RPS3: variants seen among roughly 807,000 people sequenced by gnomAD.
RPS3 encodes the protein small ribosomal subunit protein uS3.
RPS3 carries 2 observed loss-of-function variants against 25.8 expected under a neutral mutation model. That is an observed-to-expected ratio of 0.08 (90% CI 0.03 to 0.24). The LOEUF (loss-of-function observed/expected upper bound fraction) is 0.24. Among genes scored for constraint, RPS3 ranks in the 10% least tolerant of loss-of-function variants. RPS3 has a pLI of 1.00. For missense variants in RPS3, 107 were observed against 307.1 expected, an observed-to-expected ratio of 0.35 and a Z score of 4.87; for synonymous variants, 114 against 114.2, an observed-to-expected ratio of 1.00 and a Z score of 0.01.
chr11:75,414,758 C>T (rs1409636745), intron 6 of RPS3, among the ~76,000 whole-genome samples: 4 of 152,196 alleles, frequency 2.6e-5, no homozygotes, highest in Non-Finnish European at 5.9e-5. Flanking sequence ...GGAGAGAACA[C>T]CTGCTAGTAA....
downstream of RPS3, among the ~76,000 whole-genome samples, chr11:75,411,612 G>C (rs1304532029): frequency 6.6e-6 from 1 of 151,118 alleles, no homozygotes; most frequent in Non-Finnish European, 1.5e-5. Context: ...GGATGGTCTC[G>C]ATCTCCTGAC....
At chr11:75,409,826 A>T, downstream of RPS3, among the ~76,000 whole-genome samples, 1 of 80,334 alleles carries the variant, frequency 1.2e-5, no homozygotes, top group African/African-American at 6.0e-5. Context: ...TGACCCCCCC[A>T]CCTCCCTCCC....
At chr11:75,421,342 C>T (rs923220372) in intron 6 of RPS3, among the ~76,000 whole-genome samples, 2 of 152,178 alleles carry the variant, frequency 1.3e-5, no homozygotes, top group Admixed American at 6.5e-5. Context: ...AGCAGATGAT[C>T]GCTCTTCTTC....
chr11:75,408,216 A>C (rs993469063), downstream of RPS3, among the ~76,000 whole-genome samples: 93 of 152,192 alleles, frequency 6.1e-4, 1 homozygote, highest in African/African-American at 2.1e-3. Flanking sequence ...AAAATGCCAA[A>C]ATATGTCCAG....
intron 6 of RPS3, among the ~76,000 whole-genome samples, chr11:75,412,315 GT>G (rs1331459682): frequency 1.3e-5 from 2 of 152,170 alleles, no homozygotes; most frequent in Non-Finnish European, 2.9e-5. Context: ...AGGAGGTATT[GT>G]GGCACTGGCT....
rs541549006 is a variant in RPS3, at chr11:75,412,630, G to A, written c.*3+7762G>A. 2.0e-5 allele frequency among the ~76,000 whole-genome samples: 3 copies of A among 152,336 alleles called. No individual in the cohort carries two copies. The South Asian group carries it at 6.2e-4, about 32-fold the overall frequency. On this transcript the variant is annotated intron_variant, in intron 6 of 6. Coordinates refer to the RPS3 transcript ENST00000527446. The stretch of plus-strand genomic sequence containing the variant: ...GTAACTGGATGTTCTCTGCAGGAGA[G>A]TAGGAGGTTCAGGCCAAAGGAGCCA...
At position 75,401,528 on chromosome 11, in the gene RPS3, CAATG is replaced by C. The variant is rs1948210032; in HGVS notation, c.162-109_162-106del. ...GCGTTTTAAAAATTTTAGTTTTTGT[CAATG>C]AAAATTATATGCTTTGTGGCAGAGA... On this transcript the variant is annotated intron_variant, in intron 2 of 6. Transcript: ENST00000531188. 19 of 769,744 alleles carry C rather than the reference CAATG, an allele frequency of 2.5e-5. No individual in the cohort carries two copies. The South Asian group carries it at 3.1e-4, about 12-fold the overall frequency. 47.7% of individuals were successfully genotyped at this position (769,744 alleles called of 1,614,324 possible). A position where few individuals can be genotyped will look rare whatever the true frequency, so the allele number is the denominator to read the frequency against.
intron 6 of RPS3, among the ~76,000 whole-genome samples, chr11:75,418,672 G>A (rs1397290538): frequency 2.0e-5 from 3 of 152,124 alleles, no homozygotes; most frequent in Admixed American, 1.3e-4. Context: ...AACACGTAAC[G>A]TGAGTCTCTG....
At position 75,402,063 on chromosome 11, in the gene RPS3, G is replaced by A; in HGVS notation, c.256-289G>A. 3 of 544,162 alleles carry A rather than the reference G, an allele frequency of 5.5e-6. No individual in the cohort carries two copies. In the South Asian group the frequency reaches 6.9e-5, roughly 13 times the overall value. 33.7% of individuals were successfully genotyped at this position (544,162 alleles called of 1,614,324 possible). A position where few individuals can be genotyped will look rare whatever the true frequency, so the allele number is the denominator to read the frequency against. On this transcript the variant is annotated intron_variant, in intron 3 of 6. Transcript: ENST00000531188. ...TGGTAGAAGTGCTTTAGGAATTGAG[G>A]GATACTGAAATTATATGCTGTATAT...
At chr11:75,409,837 G>C (rs1176612783), downstream of RPS3, among the ~76,000 whole-genome samples, 2 of 146,130 alleles carry the variant, frequency 1.4e-5, no homozygotes, top group Non-Finnish European at 3.0e-5. Flanking sequence ...CCTCCCTCCC[G>C]GACGGGGCGG....
intron 6 of RPS3, among the ~76,000 whole-genome samples, chr11:75,412,204 C>T (rs1948363199): frequency 1.3e-5 from 2 of 152,198 alleles, no homozygotes; most frequent in South Asian, 4.1e-4. Flanking sequence ...CTTTGTGAAG[C>T]CTTCCCTGAT....
At chr11:75,400,451 A>G (rs1948192455) in intron 1 of RPS3, 2 of 593,532 alleles carry the variant, frequency 3.4e-6, no homozygotes, top group Non-Finnish European at 6.4e-6. Flanking sequence ...CAGGTGGCCT[A>G]CTCTGTGCTG....
chr11:75,403,989 A>G (rs1948247133), intron 4 of RPS3, 31 bp from the exon 5 acceptor site: 2 of 1,592,488 alleles, frequency 1.3e-6, no homozygotes, highest in South Asian at 2.2e-5. Flanking sequence ...CCTTGGCAAT[A>G]ACACAGTGGC....
intron 6 of RPS3, among the ~76,000 whole-genome samples, chr11:75,418,724 A>G (rs923024195): frequency 6.6e-6 from 1 of 152,220 alleles, no homozygotes; most frequent in Non-Finnish European, 1.5e-5. Context: ...TCATTTTCAC[A>G]AAGAAGGTGG....
At chr11:75,407,503 G>T (rs1309863007), downstream of RPS3, among the ~76,000 whole-genome samples, 2 of 151,772 alleles carry the variant, frequency 1.3e-5, no homozygotes, top group African/African-American at 2.4e-5. Context: ...ACGGAGTCTC[G>T]CTCTGTCACC....
chr11:75,419,770 A>C (rs1299252977), intron 6 of RPS3, among the ~76,000 whole-genome samples: 1 of 152,004 alleles, frequency 6.6e-6, no homozygotes, highest in Non-Finnish European at 1.5e-5. Context: ...GGTAGCTGGG[A>C]CTACAGGCAT....
intron 6 of RPS3, among the ~76,000 whole-genome samples, chr11:75,415,915 G>A (rs530400546): frequency 1.3e-5 from 2 of 150,460 alleles, no homozygotes; most frequent in Admixed American, 6.6e-5. Flanking sequence ...GGCGGAGGTT[G>A]CAGTGAGCCG....
At chr11:75,421,183 C>T (rs1175478964) in intron 6 of RPS3, among the ~76,000 whole-genome samples, 5 of 152,172 alleles carry the variant, frequency 3.3e-5, no homozygotes, top group East Asian at 1.9e-4. Context: ...CTGGGATAAT[C>T]GGCGGGTCGG....
chr11:75,403,700 C>T lies in RPS3; in HGVS notation c.351-320C>T, dbSNP rs1037479676. ...CAGGGAGCATTTTTAAATAGATATT[C>T]CTGGACTTTGCACATTTAATTGGCC... is the stretch of plus-strand genomic sequence containing the variant. On this transcript the variant is annotated intron_variant, in intron 4 of 6. Transcript: ENST00000531188. 4 of 209,398 alleles carry T rather than the reference C, an allele frequency of 1.9e-5. No homozygotes were observed. The South Asian group carries it at 3.5e-4, about 18-fold the overall frequency. 13.0% of individuals were successfully genotyped at this position (209,398 alleles called of 1,614,324 possible).
Sources: gnomAD v4.1 joint callset for allele counts (sites outside exome capture counted in the v4.1 genomes callset) on GRCh38, gnomAD v4.1.1 for gene constraint, MANE v1.5 for transcripts, NCBI Gene and HGNC (gene_info 2026-07-23, HGNC 2026-07-21) for gene names.